Variants in CPED1 observed in about 807,000 individuals in gnomAD.
The protein encoded by CPED1 is cadherin like and PC-esterase domain containing 1, also known as cadherin-like and PC-esterase domain-containing protein 1.
Under a neutral mutation model 128.2 loss-of-function variants are expected in CPED1, and 114 were observed. The ratio of observed to expected loss-of-function variants is 0.89; its 90% CI spans 0.76 to 1.04. The LOEUF is 1.04. CPED1 is among the 50% of genes least tolerant of loss of function. The pLI is 0.00. For missense variants in CPED1, 1,211 were observed against 1,207.1 expected, an observed-to-expected ratio of 1.00 and a Z score of -0.05; for synonymous variants, 462 against 426.7, an observed-to-expected ratio of 1.08 and a Z score of -1.02.
At chr7:120,994,457 G>A (rs550460469) in intron 2 of CPED1, among the ~76,000 whole-genome samples, 2 of 152,114 alleles carry the variant, frequency 1.3e-5, no homozygotes, top group African/African-American at 2.4e-5. Context: ...AAATTAACAC[G>A]GTGATAGGAA....
At chr7:121,286,546 C>T (rs899234485) in intron 22 of CPED1, among the ~76,000 whole-genome samples, 1 of 152,120 alleles carries the variant, frequency 6.6e-6, no homozygotes. Context: ...TTTCTCCTAC[C>T]CCTGGGAGAT....
At chr7:121,202,473 T>C (rs974491841) in intron 16 of CPED1, among the ~76,000 whole-genome samples, 6 of 152,134 alleles carry the variant, frequency 3.9e-5, no homozygotes, top group Admixed American at 3.3e-4. Flanking sequence ...TTGGAGGTAG[T>C]CTTCTATCTA....
intron 2 of CPED1, among the ~76,000 whole-genome samples, chr7:121,003,184 C>T (rs1585011378): frequency 6.6e-6 from 1 of 152,188 alleles, no homozygotes; most frequent in South Asian, 2.1e-4. Flanking sequence ...ACAACGTCCC[C>T]ACCCAGGTCT....
chr7:121,009,606 C>CA (rs372071345), intron 2 of CPED1, among the ~76,000 whole-genome samples: 52,685 of 90,692 alleles, frequency 0.58, 13,980 homozygotes, highest in Middle Eastern at 0.7. Flanking sequence ...GCCCCTGTCT[C>CA]AAAAAAAAAA....
chr7:121,138,770 G>C (rs1365198284), intron 14 of CPED1, among the ~76,000 whole-genome samples: 1 of 152,028 alleles, frequency 6.6e-6, no homozygotes, highest in Non-Finnish European at 1.5e-5. Flanking sequence ...GTTCTGAGCA[G>C]AAAAGTGCGA....
intron 18 of CPED1, among the ~76,000 whole-genome samples, chr7:121,254,128 G>A (rs940043835): frequency 6.6e-6 from 1 of 151,948 alleles, no homozygotes; most frequent in Non-Finnish European, 1.5e-5. Context: ...TCTACACACA[G>A]AACATATTCT....
Position 121,027,926 on chromosome 7 carries a change from A to G in CPED1, c.433+12078A>G, listed in dbSNP as rs367601657. On this transcript the variant is annotated intron_variant, in intron 3 of 22. Coordinates refer to ENST00000310396, the MANE Select transcript of CPED1 (RefSeq NM_024913.5). ...TCCACCTCCTTATCAGAGTCACTAAACAAGCGATTAAGGGATGAGGAGAGC... is the reference window on the plus strand; with the variant it reads ...TCCACCTCCTTATCAGAGTCACTAAGCAAGCGATTAAGGGATGAGGAGAGC... 1.5e-3 allele frequency among the ~76,000 whole-genome samples: 234 copies of G among 152,178 alleles called. 1 individual carries two copies. Among genetic ancestry groups the G allele is most frequent in the African/African-American group, 5.2e-3 (215 of 41,510 alleles).
At chr7:121,004,799 G>T (rs1351256845) in intron 2 of CPED1, among the ~76,000 whole-genome samples, 1 of 152,112 alleles carries the variant, frequency 6.6e-6, no homozygotes, top group Non-Finnish European at 1.5e-5. Flanking sequence ...TTCATAAAGG[G>T]CTAATATCCT....
chr7:121,169,391 C>T (rs77667920), intron 16 of CPED1, among the ~76,000 whole-genome samples: 15,867 of 152,048 alleles, frequency 0.1, 1,390 homozygotes, highest in African/African-American at 0.24. Context: ...TTTTTGTTTT[C>T]AATGGAATTT....
At chr7:121,128,537 G>C in intron 11 of CPED1, 51 bp downstream of exon 11, 1 of 940,290 alleles carries the variant, frequency 1.1e-6, no homozygotes, top group Non-Finnish European at 1.8e-6. Flanking sequence ...GATTAGAGTA[G>C]ATCACTGTAA....
intron 16 of CPED1, among the ~76,000 whole-genome samples, chr7:121,186,167 G>A (rs1473517064): frequency 3.9e-5 from 6 of 152,102 alleles, no homozygotes; most frequent in African/African-American, 1.4e-4. Flanking sequence ...ATACTTTTGA[G>A]CAGATAGGGA....
chr7:121,169,590 T>G (rs1042689522), intron 16 of CPED1, among the ~76,000 whole-genome samples: 79 of 152,248 alleles, frequency 5.2e-4, no homozygotes, highest in Admixed American at 1.6e-3. Context: ...AATTTTGGTA[T>G]GCCACTGAGA....
intron 4 of CPED1, among the ~76,000 whole-genome samples, chr7:121,056,638 A>G (rs1157898134): frequency 6.6e-6 from 1 of 152,182 alleles, no homozygotes; most frequent in East Asian, 1.9e-4. Flanking sequence ...AAGTTTTCAA[A>G]TCTCCTCTGG....
intron 2 of CPED1, among the ~76,000 whole-genome samples, chr7:120,992,126 A>AAT (rs1796318922): frequency 6.6e-6 from 1 of 152,180 alleles, no homozygotes; most frequent in African/African-American, 2.4e-5. Flanking sequence ...TTTTGGGATC[A>AAT]ATATATTGAT....
chr7:121,278,452 C>A (rs773427747), intron 22 of CPED1, among the ~76,000 whole-genome samples: 1 of 152,090 alleles, frequency 6.6e-6, no homozygotes, highest in Non-Finnish European at 1.5e-5. Context: ...CTTCTTACCC[C>A]CCACCAGGAG....
At chr7:121,156,804 TAAAA>T (rs1796295146) in intron 16 of CPED1, among the ~76,000 whole-genome samples, 1 of 150,678 alleles carries the variant, frequency 6.6e-6, no homozygotes, top group East Asian at 1.9e-4. Context: ...ATAAAAAAAT[TAAAA>T]AATAAAATGT....
rs763141715 is a variant in CPED1, at chr7:121,140,807, T to C, written c.1700-20T>C. ...CCCACTTCACAGTTGTCTTTGTCATTGTTTTTGTTTTTTTAACAGATGAAA... is the reference window on the plus strand; with the variant it reads ...CCCACTTCACAGTTGTCTTTGTCATCGTTTTTGTTTTTTTAACAGATGAAA... On this transcript the variant is annotated intron_variant, in intron 14 of 22. Coordinates refer to ENST00000310396, the MANE Select transcript of CPED1 (RefSeq NM_024913.5). 6.3e-7 allele frequency: 1 copy of C among 1,575,496 alleles called. No homozygotes were observed.
chr7:121,294,806 C>CAAAAAAAAAAAAAAAAAAAAAAA (rs752742828), intron 22 of CPED1, among the ~76,000 whole-genome samples: 85 of 61,344 alleles, frequency 1.4e-3, no homozygotes, highest in East Asian at 8.3e-3. Flanking sequence ...GCCTTCTAAG[C>CAAAAAAAAAAAAAAAAAAAAAAA]AAAAAAAAAA....
chr7:121,290,457 C>T (rs1476781748), intron 22 of CPED1, among the ~76,000 whole-genome samples: 2 of 152,216 alleles, frequency 1.3e-5, no homozygotes, highest in Non-Finnish European at 2.9e-5. Context: ...TCCACATCCT[C>T]TCCAGCATCT....
Sources: gnomAD v4.1 joint callset for allele counts (sites outside exome capture counted in the v4.1 genomes callset) on GRCh38, gnomAD v4.1.1 for gene constraint, MANE v1.5 for transcripts, NCBI Gene and HGNC (gene_info 2026-07-23, HGNC 2026-07-21) for gene names.